Variants in ASTN2 observed in about 807,000 individuals in gnomAD.
ASTN2 encodes the protein astrotactin-2.
ASTN2 carries 54 observed loss-of-function variants against 139.8 expected under a neutral mutation model. The ratio of observed to expected loss-of-function variants is 0.39; its 90% confidence interval spans 0.31 to 0.48. ASTN2 has a LOEUF of 0.48. ASTN2 is among the 20% of genes least tolerant of loss of function. The probability of loss-of-function intolerance (pLI) is 0.95; values close to 1 mark genes in which losing one functional copy is unlikely to be tolerated. For synonymous variants in ASTN2, 756 were observed against 719.5 expected, an observed-to-expected ratio of 1.05 and a Z score of -0.81; for missense variants, 1,565 against 1,725.1, an observed-to-expected ratio of 0.91 and a Z score of 1.64.
intron 2 of ASTN2, among the ~76,000 whole-genome samples, chr9:117,239,368 C>T (rs1833140903): frequency 1.3e-5 from 2 of 152,098 alleles, no homozygotes; most frequent in South Asian, 4.1e-4. Flanking sequence ...TAAAACCTGT[C>T]CACATGTTTC....
chr9:117,171,668 T>G (rs1039216425), intron 3 of ASTN2, among the ~76,000 whole-genome samples: 7 of 152,148 alleles, frequency 4.6e-5, no homozygotes, highest in African/African-American at 1.7e-4. Flanking sequence ...CAAGGGGCTC[T>G]TCCCCCTTTG....
At position 117,008,168 on chromosome 9, in the gene ASTN2, G is replaced by A. The variant is rs1837414084; in HGVS notation, c.1515C>T (p.Ala505=). The change falls in exon 7 of 23, where the codon GCC becomes GCT. Residue 505 remains alanine (A), a synonymous_variant. Transcript: ENST00000313400. ...AGAGGTCCCTCACCCATGGGGAGGT[G>A]GCATTGATCTGGTAATACAGGGAAA... ...AKLSLYYQIN[A]TSPWVRDLCG... is the part of the protein sequence containing the mutation. 1.9e-6 allele frequency: 3 copies of A among 1,611,212 alleles called. No individual in the cohort carries two copies. The highest frequency in any genetic ancestry group is 4.5e-5 in the East Asian group (2 of 44,616).
At chr9:116,686,984 T>A in intron 16 of ASTN2, 1 of 1,431,916 alleles carries the variant, frequency 7.0e-7, no homozygotes, top group Non-Finnish European at 9.1e-7. Flanking sequence ...TGCTGAGGAC[T>A]ACCCTGGAGG....
At chr9:117,047,878 C>T (rs1838790837) in intron 5 of ASTN2, among the ~76,000 whole-genome samples, 3 of 152,058 alleles carry the variant, frequency 2.0e-5, no homozygotes, top group Admixed American at 1.3e-4. Flanking sequence ...ATCACTACCA[C>T]TATCACTAGT....
At chr9:117,186,553 A>G (rs983629137) in intron 3 of ASTN2, among the ~76,000 whole-genome samples, 3 of 152,050 alleles carry the variant, frequency 2.0e-5, no homozygotes, top group African/African-American at 7.2e-5. Flanking sequence ...TCTCAAAAAA[A>G]TAAATAAATA....
chr9:117,174,847 T>C (rs1830878686), intron 3 of ASTN2, among the ~76,000 whole-genome samples: 1 of 152,096 alleles, frequency 6.6e-6, no homozygotes, highest in Admixed American at 6.6e-5. Context: ...AACCTAACAC[T>C]CTATCATTAT....
intron 2 of ASTN2, among the ~76,000 whole-genome samples, chr9:117,288,044 A>G (rs992451180): frequency 1.3e-5 from 2 of 152,224 alleles, no homozygotes; most frequent in Non-Finnish European, 2.9e-5. Flanking sequence ...ATTCAGAGCC[A>G]GGTCTGCTGA....
chr9:116,982,218 C>T (rs1366836931), intron 7 of ASTN2, among the ~76,000 whole-genome samples: 4 of 152,168 alleles, frequency 2.6e-5, no homozygotes, highest in Admixed American at 6.5e-5. Context: ...GATCTGCCTG[C>T]CACTTCAAAT....
intron 10 of ASTN2, among the ~76,000 whole-genome samples, chr9:116,873,200 C>T (rs1264533924): frequency 6.6e-6 from 1 of 152,174 alleles, no homozygotes; most frequent in Non-Finnish European, 1.5e-5. Flanking sequence ...GAAACTCAGG[C>T]ACCATTTTGA....
At chr9:117,201,551 T>C (rs532673159) in intron 3 of ASTN2, among the ~76,000 whole-genome samples, 1 of 152,250 alleles carries the variant, frequency 6.6e-6, no homozygotes, top group South Asian at 2.1e-4. Context: ...TTTGTTCTCA[T>C]TGGTTTCAAA....
intron 19 of ASTN2, among the ~76,000 whole-genome samples, chr9:116,519,438 T>TA (rs968962923): frequency 2.2e-4 from 34 of 151,238 alleles, no homozygotes; most frequent in East Asian, 1.9e-3. Flanking sequence ...AAGATGGAAA[T>TA]AAAAAAAAAT....
chr9:117,090,640 G>C (rs113038147), intron 5 of ASTN2, among the ~76,000 whole-genome samples: 4,394 of 152,204 alleles, frequency 0.029, 203 homozygotes, highest in African/African-American at 0.1. Context: ...GGCATCTTTG[G>C]GTAAGACCCA....
intron 19 of ASTN2, among the ~76,000 whole-genome samples, chr9:116,566,623 G>A (rs1051000992): frequency 6.6e-6 from 1 of 152,136 alleles, no homozygotes; most frequent in African/African-American, 2.4e-5. Flanking sequence ...TTCACCATGC[G>A]GAAATCCAAT....
chr9:116,534,935 T>C (rs1233869159), intron 19 of ASTN2, among the ~76,000 whole-genome samples: 1 of 152,206 alleles, frequency 6.6e-6, no homozygotes, highest in Non-Finnish European at 1.5e-5. Flanking sequence ...TCTGTCTCAT[T>C]GATCTGTCTA....
At chr9:116,629,935 T>C (rs1473779289) in intron 17 of ASTN2, among the ~76,000 whole-genome samples, 1 of 152,210 alleles carries the variant, frequency 6.6e-6, no homozygotes, top group African/African-American at 2.4e-5. Context: ...GACAAGATGA[T>C]AGGATTATAT....
chr9:117,195,742 CA>C (rs1422051940), intron 3 of ASTN2, among the ~76,000 whole-genome samples: 2 of 152,106 alleles, frequency 1.3e-5, no homozygotes, highest in African/African-American at 4.8e-5. Context: ...ATGACATTCA[CA>C]GGGGGTGTCA....
At chr9:117,193,578 C>T (rs1297426550) in intron 3 of ASTN2, among the ~76,000 whole-genome samples, 2 of 136,484 alleles carry the variant, frequency 1.5e-5, no homozygotes. Context: ...GCAGAGCTTG[C>T]AGTAAGCCAA....
intron 3 of ASTN2, among the ~76,000 whole-genome samples, chr9:117,149,423 G>T (rs1260613835): frequency 6.6e-6 from 1 of 151,998 alleles, no homozygotes; most frequent in Non-Finnish European, 1.5e-5. Flanking sequence ...GTTTGTGTGT[G>T]TGTGTGTGTT....
At chr9:117,360,573 G>A (rs573556471) in intron 1 of ASTN2, among the ~76,000 whole-genome samples, 1 of 152,272 alleles carries the variant, frequency 6.6e-6, no homozygotes, top group Non-Finnish European at 1.5e-5. Flanking sequence ...AGAGAGTATT[G>A]AACAAACAGC....
Sources: gnomAD v4.1 joint callset for allele counts (sites outside exome capture counted in the v4.1 genomes callset) on GRCh38, gnomAD v4.1.1 for gene constraint, MANE v1.5 for transcripts, NCBI Gene and HGNC (gene_info 2026-07-23, HGNC 2026-07-21) for gene names.